The following PROX2 variants were observed in gnomAD, a reference collection of about 807,000 sequenced individuals.
PROX2 encodes prospero homeobox 2.
In PROX2, 46 loss-of-function variants were observed where a neutral mutation model predicts 48.9. That is an observed-to-expected ratio of 0.94 (90% CI 0.74 to 1.20). The LOEUF (loss-of-function observed/expected upper bound fraction) is 1.20, where lower values mean the gene tolerates loss of function less well. PROX2 is among the 50% of genes most tolerant of loss of function. PROX2 has a pLI of 0.00. For synonymous variants in PROX2, 260 were observed against 276.6 expected (o/e 0.94, Z 0.60); for missense variants, 663 against 719.4 (o/e 0.92, Z 0.90).
Position 74,863,465 on chromosome 14 carries a change from C to T in PROX2, c.370G>A (p.Gly124Ser), listed in dbSNP as rs749072521. 7 of 1,613,520 alleles carry T rather than the reference C, an allele frequency of 4.3e-6. No homozygotes were observed. Among genetic ancestry groups the T allele is most frequent in the African/African-American group, 1.3e-5 (1 of 74,928 alleles). Residue 124 changes from glycine (G) to serine (S), a missense_variant, in exon 3 of 6, where the codon GGC (glycine) becomes AGC (serine). Gly to Ser is a moderately conservative substitution (Grantham distance 56, BLOSUM62 0). Transcript: ENST00000556489. ...LLMPAPAWDQ[G>S]NRKGGPRVRE... ...ACACGAGGGCCCCCCTTCCTGTTGC[C>T]CTGGTCCCAGGCAGGGGCTGGCATC... is the stretch of plus-strand genomic sequence containing the variant.
intron 2 of PROX2, chr14:74,865,172 A>AAAAAG (rs1883021677): frequency 6.6e-6 from 1 of 151,384 alleles, no homozygotes; most frequent in Non-Finnish European, 1.5e-5. Flanking sequence ...GAAAAAAAAA[A>AAAAAG]AAACACTGCC....
chr14:74,873,796 G>T, intron 1 of PROX2: 1 of 460,732 alleles, frequency 2.2e-6, no homozygotes, highest in Non-Finnish European at 4.2e-6. Flanking sequence ...ATTGCAGCAT[G>T]TATGCTGTAT....
chr14:74,858,335 G>A (rs1000042726), intron 4 of PROX2, 72 bp downstream of exon 4: 6 of 883,304 alleles, frequency 6.8e-6, no homozygotes, highest in Admixed American at 2.0e-5. Context: ...CCTAGGACTT[G>A]CCTCACACCA....
intron 1 of PROX2, among the ~76,000 whole-genome samples, chr14:74,875,318 C>T (rs1044314567): frequency 6.6e-6 from 1 of 152,102 alleles, no homozygotes; most frequent in African/African-American, 2.4e-5. Flanking sequence ...GTTAGGGGTC[C>T]GAGGATCTTC....
intron 1 of PROX2, chr14:74,874,113 C>A: frequency 1.9e-6 from 1 of 529,030 alleles, no homozygotes. Context: ...TTTCTAAAGA[C>A]CGCTTTGGAA....
chr14:74,863,626 G>T lies in PROX2; in HGVS notation c.209C>A (p.Thr70Asn). ...GGAGAGACACATGCCTCGGACAATG[G>T]TCTCCACTCTGGCCCTCTTTGCCTG... ...HIQAKRARVETIVRGMCLSPN... is the reference protein window; with the variant it reads ...HIQAKRARVENIVRGMCLSPN... Residue 70 changes from threonine to asparagine, a missense_variant, in exon 3 of 6, where the codon ACC (threonine) becomes AAC (asparagine). By Grantham distance (65) the Thr-to-Asn change is moderately conservative. Coordinates refer to ENST00000556489, the MANE Select transcript of PROX2 (RefSeq NM_001243007.2). 1 of 1,598,802 alleles carries T rather than the reference G, an allele frequency of 6.3e-7. No individual in the cohort carries two copies. Among genetic ancestry groups the T allele is most frequent in the Non-Finnish European group, 8.5e-7 (1 of 1,172,424 alleles).
In PROX2 at chr14:74,853,839, C is replaced by T. The variant is rs1161039118; in HGVS notation, c.*1293G>A. Reference sequence around the variant, plus strand: ...TCCTGACTAGCTTAGAAGACAGATGCAGTTACTCAGCTTTGTACATGCCTT... The same window carrying T: ...TCCTGACTAGCTTAGAAGACAGATGTAGTTACTCAGCTTTGTACATGCCTT... On this transcript the variant is annotated 3_prime_UTR_variant, in exon 6 of 6. Coordinates refer to ENST00000556489, the MANE Select transcript of PROX2 (RefSeq NM_001243007.2). The T allele has an allele frequency of 1.3e-5, 2 of 150,312 alleles. No individual in the cohort carries two copies. The highest frequency in any genetic ancestry group is 2.5e-5 in the African/African-American group (1 of 40,786). The allele number at this position is 150,312 out of a possible 1,614,324, so 9.3% of individuals were successfully genotyped here. A position where few individuals can be genotyped will look rare whatever the true frequency, so the allele number is the denominator to read the frequency against.
At chr14:74,860,785 C>T (rs1197747510) in intron 3 of PROX2, among the ~76,000 whole-genome samples, 2 of 152,106 alleles carry the variant, frequency 1.3e-5, no homozygotes, top group African/African-American at 4.8e-5. Flanking sequence ...TAGGATAGGC[C>T]CCAAACCTCC....
chr14:74,853,310 C>T lies in PROX2; in HGVS notation c.*1822G>A, dbSNP rs952502258. 3.3e-5 allele frequency: 5 copies of T among 152,192 alleles called. No individual in the cohort carries two copies. The highest frequency in any genetic ancestry group is 1.2e-4 in the African/African-American group (5 of 41,438). The allele number at this position is 152,192 out of a possible 1,614,324, so 9.4% of individuals were successfully genotyped here. On this transcript the variant is annotated 3_prime_UTR_variant, in exon 6 of 6. Transcript: ENST00000556489. ...TGTCTAACTTAGGTATGTAATGTCACTCTGGATAGAGGGTTCTTCTACTAT... is the reference window on the plus strand; with the variant it reads ...TGTCTAACTTAGGTATGTAATGTCATTCTGGATAGAGGGTTCTTCTACTAT...
Position 74,854,048 on chromosome 14 carries a change from G to A in PROX2, c.*1084C>T, listed in dbSNP as rs1289736995. ...AGTTATGCCATTTATCATCTGCAAG[G>A]CTGTGCACAGCCTGTGCAAGCCTCC... On this transcript the variant is annotated 3_prime_UTR_variant, in exon 6 of 6. Coordinates refer to ENST00000556489, the MANE Select transcript of PROX2 (RefSeq NM_001243007.2). 1 of 189,750 alleles carries A rather than the reference G, an allele frequency of 5.3e-6. No homozygotes were observed. Among genetic ancestry groups the A allele is most frequent in the Non-Finnish European group, 1.1e-5 (1 of 87,366 alleles). The allele number at this position is 189,750 out of a possible 1,614,324, so 11.8% of individuals were successfully genotyped here.
At chr14:74,858,558 T>G in intron 3 of PROX2, 44 bp from the exon 4 acceptor site, 1 of 1,042,842 alleles carries the variant, frequency 9.6e-7, no homozygotes, top group Non-Finnish European at 1.5e-6. Context: ...AATGCCAGTT[T>G]ATCAATTAAC....
In PROX2 at chr14:74,863,484, T is replaced by C. The variant is rs1176576571; in HGVS notation, c.351A>G (p.Pro117=). The C allele has an allele frequency of 4.3e-6, 7 of 1,613,666 alleles. No homozygotes were observed. Among genetic ancestry groups the C allele is most frequent in the Non-Finnish European group, 5.9e-6 (7 of 1,179,786 alleles). The change falls in exon 3 of 6, where the codon CCA becomes CCG. Residue 117 remains proline (P), a synonymous_variant. Coordinates refer to ENST00000556489, the MANE Select transcript of PROX2 (RefSeq NM_001243007.2). Reference sequence around the variant, plus strand: ...TGTTGCCCTGGTCCCAGGCAGGGGCTGGCATCAGGAGGCCTTGCGGTGTGG... The same window carrying C: ...TGTTGCCCTGGTCCCAGGCAGGGGCCGGCATCAGGAGGCCTTGCGGTGTGG... ...NLPTPQGLLM[P]APAWDQGNRK...
chr14:74,868,302 A>C (rs1883115723), intron 2 of PROX2, among the ~76,000 whole-genome samples: 1 of 106,840 alleles, frequency 9.4e-6, no homozygotes, highest in African/African-American at 3.4e-5. Context: ...GAAGTTTATA[A>C]TTTCTCGTAA....
Position 74,863,429 on chromosome 14 carries a change from G to A in PROX2, c.406C>T (p.Leu136Phe). The A allele has an allele frequency of 6.2e-7, 1 of 1,613,544 alleles. No individual in the cohort carries two copies. The highest frequency in any genetic ancestry group is 1.7e-5 in the Admixed American group (1 of 59,986). Residue 136 changes from leucine to phenylalanine, a missense_variant, in exon 3 of 6, where the codon CTT becomes TTT. Transcript: ENST00000556489. ...CTTAGCTGTTGCTTCAGCAGATGAA[G>A]TTGTTCTCTCACACGAGGGCCCCCC... ...RKGGPRVREQ[L>F]HLLKQQLRHL...
chr14:74,862,773 G>A lies in PROX2; in HGVS notation c.1062C>T (p.Tyr354=). The change falls in exon 3 of 6, where the codon TAC becomes TAT. Residue 354 remains tyrosine, a synonymous_variant. Coordinates refer to ENST00000556489, the MANE Select transcript of PROX2 (RefSeq NM_001243007.2). The part of the protein sequence containing the change: ...QILSQLLGHR[Y]NNGHWSSSPP... ...GACTGCTACTCCAATGGCCATTGTT[G>A]TATCTATGACCCAGTAGCTGGCTAA... The A allele has an allele frequency of 6.2e-7, 1 of 1,613,900 alleles. No individual in the cohort carries two copies. Among genetic ancestry groups the A allele is most frequent in the East Asian group, 2.2e-5 (1 of 44,898 alleles).
intron 1 of PROX2, among the ~76,000 whole-genome samples, chr14:74,874,603 G>C (rs1465891403): frequency 6.6e-6 from 1 of 151,964 alleles, no homozygotes; most frequent in East Asian, 1.9e-4. Flanking sequence ...ACCTAACTCA[G>C]TTTTCATTTT....
chr14:74,853,380 G>C lies in PROX2; in HGVS notation c.*1752C>G, dbSNP rs567542528. 1 of 152,324 alleles carries C rather than the reference G, an allele frequency of 6.6e-6. No individual in the cohort carries two copies. Among genetic ancestry groups the C allele is most frequent in the South Asian group, 2.1e-4 (1 of 4,834 alleles). The allele number at this position is 152,324 out of a possible 1,614,324, so 9.4% of individuals were successfully genotyped here. A position where few individuals can be genotyped will look rare whatever the true frequency, so the allele number is the denominator to read the frequency against. On this transcript the variant is annotated 3_prime_UTR_variant, in exon 6 of 6. Transcript: ENST00000556489. ...ATTGCCCTTGCTCAGAGCACTCCAT[G>C]CTTGCCTGTGTTTAAAACTTAGGTT...
chr14:74,856,706 CT>C, intron 5 of PROX2, 94 bp downstream of exon 5: 1 of 1,129,812 alleles, frequency 8.9e-7, no homozygotes, highest in Non-Finnish European at 1.3e-6. Context: ...CTCTCAGTAA[CT>C]TAAGGAGACA....
At chr14:74,855,493 G>A (rs552747464) in intron 5 of PROX2, 191 bp from the exon 6 acceptor site, 141 of 401,958 alleles carry the variant, frequency 3.5e-4, no homozygotes, top group Non-Finnish European at 5.4e-4. Context: ...TGATAAGACA[G>A]CTCCAGTGAG....
Sources: allele counts gnomAD v4.1 joint callset (sites outside exome capture counted in the v4.1 genomes callset), GRCh38; gene constraint gnomAD v4.1.1; transcripts MANE v1.5; gene names NCBI Gene and HGNC (gene_info 2026-07-23, HGNC 2026-07-21).